The following USP49 variants were observed in gnomAD, a reference collection of about 807,000 sequenced individuals.
The protein encoded by USP49 is ubiquitin specific peptidase 49, also known as ubiquitin carboxyl-terminal hydrolase 49.
In USP49, 24 loss-of-function variants were observed where a neutral mutation model predicts 58.6. The ratio of observed to expected loss-of-function variants is 0.41; its 90% CI spans 0.30 to 0.58. The LOEUF is 0.58. Among genes scored for constraint, USP49 ranks in the 20% least tolerant of loss-of-function variants. USP49 has a pLI of 0.30. For missense variants in USP49, 703 were observed against 866.1 expected (o/e 0.81, Z 2.36); for synonymous variants, 408 against 365.1 (o/e 1.12, Z -1.34).
intron 4 of USP49, 31 bp from the exon 5 acceptor site, chr6:41,804,041 A>G (rs369740759): frequency 5.6e-6 from 9 of 1,597,840 alleles, no homozygotes; most frequent in Admixed American, 1.7e-5. Context: ...TACAGATTAT[A>G]TAACTTCCAT....
chr6:41,871,147 C>G (rs1196288464), intron 3 of USP49, among the ~76,000 whole-genome samples: 1 of 152,188 alleles, frequency 6.6e-6, no homozygotes, highest in Non-Finnish European at 1.5e-5. Context: ...ACCAGACACA[C>G]ATCTGCACTT....
In USP49 at chr6:41,806,457, T is replaced by G. The variant is rs577296698; in HGVS notation, c.527A>C (p.Glu176Ala). Residue 176 changes from glutamate to alanine, a missense_variant, in exon 4 of 8, where the codon GAG (glutamate) becomes GCG (alanine). Coordinates refer to ENST00000682992, the MANE Select transcript of USP49 (RefSeq NM_001286554.2). The surrounding 1 kb of genome is among the most constrained non-coding windows in gnomAD (Gnocchi z 5.9). Reference sequence around the variant, plus strand: ...CTCCTCCTTCTTGCGCTCCAGGGCCTCCTCCTGCCGCCGCTGCTCCAGCTT... The same window carrying G: ...CTCCTCCTTCTTGCGCTCCAGGGCCGCCTCCTGCCGCCGCTGCTCCAGCTT... ...QAKLEQRRQE[E>A]ALERKKEEAR... is the part of the protein sequence containing the mutation. 58 of 1,594,126 alleles carry G rather than the reference T, an allele frequency of 3.6e-5. No individual in the cohort carries two copies. Among genetic ancestry groups the G allele is most frequent in the Middle Eastern group, 1.8e-4 (1 of 5,524 alleles).
rs1225821586 is a variant in USP49 at position 41,794,543 on chromosome 6, G to GT, written c.*1989dup. On this transcript the variant is annotated 3_prime_UTR_variant, in exon 8 of 8. Transcript: ENST00000682992. ...TTTCCTTTCCTTTTTACTCTCCTTG[G>GT]TTTTTTTGAGTTAATGGGCTTTTCT... 6.6e-6 allele frequency: 1 copy of GT among 151,894 alleles called. No individual in the cohort carries two copies. Among genetic ancestry groups the GT allele is most frequent in the Non-Finnish European group, 1.5e-5 (1 of 67,980 alleles). The allele number at this position is 151,894 out of a possible 1,614,324, so 9.4% of individuals were successfully genotyped here. A position where few individuals can be genotyped will look rare whatever the true frequency, so the allele number is the denominator to read the frequency against.
intron 3 of USP49, among the ~76,000 whole-genome samples, chr6:41,845,533 G>A (rs1389202826): frequency 1.3e-5 from 2 of 151,180 alleles, no homozygotes; most frequent in Admixed American, 6.6e-5. Context: ...AAAAAAAAAG[G>A]TAAATAAGCT....
At chr6:41,824,715 AAAACAAGAACAAGCCC>A (rs576311938) in intron 3 of USP49, among the ~76,000 whole-genome samples, 2,561 of 152,304 alleles carry the variant, frequency 0.017, 55 homozygotes, top group African/African-American at 0.051. Flanking sequence ...TCCAAAACAA[AAAACAAGAACAAGCCC>A]AAACAAGAAC....
chr6:41,873,216 G>C (rs927120573), intron 2 of USP49, among the ~76,000 whole-genome samples: 8 of 152,302 alleles, frequency 5.3e-5, no homozygotes, highest in South Asian at 2.1e-4. Context: ...TTCAGAACAG[G>C]AATGTTTTAG....
At chr6:41,800,727 C>G (rs1238574377) in intron 5 of USP49, among the ~76,000 whole-genome samples, 4 of 152,124 alleles carry the variant, frequency 2.6e-5, no homozygotes, top group Non-Finnish European at 5.9e-5. Context: ...GGAAATAATG[C>G]ATATCTTTCA....
chr6:41,805,671 A>G lies in USP49; in HGVS notation c.1313T>C (p.Leu438Ser). 2 of 1,614,162 alleles carry G rather than the reference A, an allele frequency of 1.2e-6. No homozygotes were observed. Among genetic ancestry groups the G allele is most frequent in the Non-Finnish European group, 1.7e-6 (2 of 1,180,020 alleles). The change falls in exon 4 of 8, where the codon TTA becomes TCA. Residue 438 changes from leucine to serine, a missense_variant. Coordinates refer to ENST00000682992, the MANE Select transcript of USP49 (RefSeq NM_001286554.2). ...FSQRKLTKQV[L>S]KVVNTIFHGQ... ...ATGAAATATGGTATTCACCACCTTT[A>G]AGACCTGTTTGGTGAGCTTCCTCTG... is the stretch of plus-strand genomic sequence containing the variant.
At chr6:41,849,965 G>C (rs1773995325) in intron 3 of USP49, among the ~76,000 whole-genome samples, 1 of 151,894 alleles carries the variant, frequency 6.6e-6, no homozygotes, top group Non-Finnish European at 1.5e-5. Flanking sequence ...AAGGAAAACT[G>C]GAAAATCCAC....
intron 5 of USP49, among the ~76,000 whole-genome samples, chr6:41,802,665 G>T (rs182044078): frequency 6.6e-6 from 1 of 151,166 alleles, no homozygotes; most frequent in Non-Finnish European, 1.5e-5. Context: ...CTAGGTCTCT[G>T]CACAGTCCAT....
intron 4 of USP49, 39 bp from the exon 5 acceptor site, chr6:41,804,049 C>T (rs1773066456): frequency 6.3e-7 from 1 of 1,588,498 alleles, no homozygotes; most frequent in East Asian, 2.2e-5. Context: ...ATATAACTTC[C>T]ATGCTTCCTG....
chr6:41,860,834 A>G (rs958840962), intron 3 of USP49, among the ~76,000 whole-genome samples: 6 of 152,020 alleles, frequency 3.9e-5, no homozygotes, highest in Non-Finnish European at 8.8e-5. Flanking sequence ...TTTTTTAAAG[A>G]ACTCATAGGC....
At chr6:41,840,066 T>G (rs1339223742) in intron 3 of USP49, among the ~76,000 whole-genome samples, 1 of 151,908 alleles carries the variant, frequency 6.6e-6, no homozygotes, top group Non-Finnish European at 1.5e-5. Flanking sequence ...TATAATGAAT[T>G]GATTATTAAC....
At chr6:41,873,692 T>C (rs1774454614) in intron 2 of USP49, among the ~76,000 whole-genome samples, 1 of 152,200 alleles carries the variant, frequency 6.6e-6, no homozygotes, top group Admixed American at 6.5e-5. Context: ...AAGCTGACTG[T>C]AATAATCAGT....
chr6:41,845,067 A>G (rs878958708), intron 3 of USP49, among the ~76,000 whole-genome samples: 1 of 151,914 alleles, frequency 6.6e-6, no homozygotes, highest in South Asian at 2.1e-4. Flanking sequence ...CGCCCGGCTA[A>G]TTTTTGTATT....
rs114134538 is a variant in USP49 at position 41,883,938 on chromosome 6, C to T, written c.-103+7856G>A. On this transcript the variant is annotated intron_variant, in intron 2 of 7. Transcript: ENST00000682992. ...TCATTGTTTATGGTAGCCTAGGTGC[C>T]CATCACTATGAGAATGGATGCACAC... Among the ~76,000 whole-genome samples the T allele has an allele frequency of 7.1e-3, 1,076 of 152,250 alleles. 2 individuals are homozygous for T. Among genetic ancestry groups the T allele is most frequent in the Non-Finnish European group, 0.011 (736 of 68,004 alleles).
At chr6:41,857,424 C>T (rs895502612) in intron 3 of USP49, among the ~76,000 whole-genome samples, 6 of 152,124 alleles carry the variant, frequency 3.9e-5, no homozygotes, top group Non-Finnish European at 5.9e-5. Context: ...GCAGGTGCAT[C>T]GCTTAAGCTC....
At chr6:41,804,064 C>T in intron 4 of USP49, 54 bp from the exon 5 acceptor site, 2 of 1,542,210 alleles carry the variant, frequency 1.3e-6, no homozygotes, top group Non-Finnish European at 1.8e-6. Flanking sequence ...TTCCTGTGTA[C>T]AGTTTTACTT....
chr6:41,823,075 T>A (rs1447221802), intron 3 of USP49, among the ~76,000 whole-genome samples: 1 of 152,132 alleles, frequency 6.6e-6, no homozygotes, highest in Non-Finnish European at 1.5e-5. Context: ...GTACAACAAC[T>A]CAAAATATAG....
Sources: allele counts gnomAD v4.1 joint callset (sites outside exome capture counted in the v4.1 genomes callset), GRCh38; gene constraint gnomAD v4.1.1; non-coding constraint Gnocchi (gnomAD v3.1); transcripts MANE v1.5; gene names NCBI Gene and HGNC (gene_info 2026-07-23, HGNC 2026-07-21).